Variants in MAP2 observed in about 807,000 individuals in gnomAD.
MAP2 encodes microtubule-associated protein 2.
Under a neutral mutation model 137.6 loss-of-function variants are expected in MAP2, and 14 were observed. The observed-to-expected ratio is 0.10, with a 90% CI of 0.07 to 0.16. The LOEUF (loss-of-function observed/expected upper bound fraction) is 0.16. Among genes scored for constraint, MAP2 ranks in the 10% least tolerant of loss-of-function variants. The pLI is 1.00. For synonymous variants in MAP2, 786 were observed against 782.3 expected (o/e 1.00, Z -0.08); for missense variants, 2,088 against 2,191.5 (o/e 0.95, Z 0.94).
chr2:209,516,294 T>G (rs1448268570), intron 2 of MAP2, among the ~76,000 whole-genome samples: 2 of 152,132 alleles, frequency 1.3e-5, no homozygotes, highest in Non-Finnish European at 2.9e-5. Context: ...AGAGTGGGCT[T>G]GATGTCATTT....
chr2:209,571,759 T>C (rs781238147), intron 2 of MAP2, among the ~76,000 whole-genome samples: 2 of 152,050 alleles, frequency 1.3e-5, no homozygotes, highest in Non-Finnish European at 1.5e-5. Context: ...AGTATAGTTA[T>C]TTCATGAGCT....
intron 2 of MAP2, among the ~76,000 whole-genome samples, chr2:209,558,301 G>T (rs1431469670): frequency 1.3e-5 from 2 of 152,074 alleles, no homozygotes; most frequent in Non-Finnish European, 2.9e-5. Context: ...CAATTCTCCT[G>T]CCTCAGCCTC....
chr2:209,450,996 G>A (rs1280675376), intron 1 of MAP2, among the ~76,000 whole-genome samples: 2 of 151,960 alleles, frequency 1.3e-5, no homozygotes, highest in African/African-American at 2.4e-5. Context: ...CAAGCCATTA[G>A]CAAGTTTGAG....
At chr2:209,495,285 G>T (rs894582627) in intron 1 of MAP2, among the ~76,000 whole-genome samples, 2 of 152,260 alleles carry the variant, frequency 1.3e-5, no homozygotes, top group Non-Finnish European at 2.9e-5. Context: ...GTTCCTGCCT[G>T]CCAGCTCTGA....
Position 209,582,664 on chromosome 2 carries a change from TA to T in MAP2, c.-107+2565del, listed in dbSNP as rs1467331896. Among the ~76,000 whole-genome samples the T allele has an allele frequency of 8.2e-4, 20 of 24,268 alleles. No homozygotes were observed. The East Asian group carries it at 0.035, about 43-fold the overall frequency. The allele number at this position is 24,268 out of a possible 152,430, so 15.9% of individuals were successfully genotyped here. On this transcript the variant is annotated intron_variant, in intron 3 of 15. Transcript: ENST00000682079. ...GATAGATAGATAGATAGATGATAGA[TA>T]GATAGATAGATAGATAGATAGATAG...
At chr2:209,618,984 C>T (rs2090355836) in intron 3 of MAP2, among the ~76,000 whole-genome samples, 1 of 152,036 alleles carries the variant, frequency 6.6e-6, no homozygotes, top group African/African-American at 2.4e-5. Context: ...CTTGGATAAA[C>T]CTGGAGGACA....
chr2:209,635,079 A>G (rs1335573023), intron 4 of MAP2, among the ~76,000 whole-genome samples: 1 of 152,162 alleles, frequency 6.6e-6, no homozygotes, highest in South Asian at 2.1e-4. Context: ...CCTGGGTGAC[A>G]CAGCAAGAGC....
chr2:209,680,726 A>AT (rs1559544136), intron 6 of MAP2, 24 bp from the exon 7 acceptor site: 1 of 1,601,576 alleles, frequency 6.2e-7, no homozygotes, highest in Admixed American at 1.7e-5. Context: ...ATTGCATCTC[A>AT]TTTTTCTATT....
chr2:209,608,545 T>C (rs369477779), intron 3 of MAP2, among the ~76,000 whole-genome samples: 1 of 152,154 alleles, frequency 6.6e-6, no homozygotes, highest in South Asian at 2.1e-4. Flanking sequence ...AATTGTATTG[T>C]TTTTACTGGC....
At chr2:209,710,424 A>G in intron 13 of MAP2, 170 bp downstream of exon 13, 2 of 622,074 alleles carry the variant, frequency 3.2e-6, no homozygotes, top group Non-Finnish European at 2.7e-6. Flanking sequence ...CTGAAATACA[A>G]CGAAAATCAC....
chr2:209,492,085 C>G (rs1469536093), intron 1 of MAP2, among the ~76,000 whole-genome samples: 1 of 152,104 alleles, frequency 6.6e-6, no homozygotes, highest in Non-Finnish European at 1.5e-5. Flanking sequence ...ACATCAAAAA[C>G]TTATCGACTA....
intron 4 of MAP2, among the ~76,000 whole-genome samples, chr2:209,635,767 G>A (rs1312970188): frequency 6.6e-6 from 1 of 152,120 alleles, no homozygotes; most frequent in Non-Finnish European, 1.5e-5. Flanking sequence ...GTAAGTGTGT[G>A]ATCACTGTTT....
chr2:209,622,407 G>C (rs1186258716), intron 3 of MAP2, among the ~76,000 whole-genome samples: 1 of 152,142 alleles, frequency 6.6e-6, no homozygotes, highest in African/African-American at 2.4e-5. Flanking sequence ...GCACTTTCTA[G>C]CCTTGTGATG....
At chr2:209,500,945 G>A (rs2060300679) in intron 1 of MAP2, among the ~76,000 whole-genome samples, 2 of 151,114 alleles carry the variant, frequency 1.3e-5, no homozygotes, top group South Asian at 2.1e-4. Context: ...GCTGAGGCGG[G>A]AGGATCATCT....
chr2:209,681,500 G>A (rs1011432851), intron 7 of MAP2, among the ~76,000 whole-genome samples: 1 of 152,080 alleles, frequency 6.6e-6, no homozygotes, highest in Non-Finnish European at 1.5e-5. Context: ...ACAGAAAGAT[G>A]CCTTTGAAGA....
At chr2:209,583,000 A>G (rs1264761734) in intron 3 of MAP2, among the ~76,000 whole-genome samples, 2 of 151,860 alleles carry the variant, frequency 1.3e-5, no homozygotes, top group Non-Finnish European at 2.9e-5. Flanking sequence ...ATTTTACCAC[A>G]TTTTTTTCTA....
At chr2:209,516,546 G>A (rs1049655817) in intron 2 of MAP2, among the ~76,000 whole-genome samples, 1 of 152,068 alleles carries the variant, frequency 6.6e-6, no homozygotes, top group African/African-American at 2.4e-5. Flanking sequence ...AAAGGGAAGG[G>A]TTAAGGAACT....
At chr2:209,704,676 A>G in intron 11 of MAP2, 1 of 1,464,042 alleles carries the variant, frequency 6.8e-7, no homozygotes, top group Non-Finnish European at 9.1e-7. Context: ...GGAGAAGGTT[A>G]TGTTATAGAA....
At chr2:209,664,538 G>A (rs911261474) in intron 5 of MAP2, among the ~76,000 whole-genome samples, 2 of 151,724 alleles carry the variant, frequency 1.3e-5, no homozygotes, top group Admixed American at 6.6e-5. Flanking sequence ...AACAGAGTGA[G>A]ACCCTGTCTC....
Sources: allele counts gnomAD v4.1 joint callset (sites outside exome capture counted in the v4.1 genomes callset), GRCh38; gene constraint gnomAD v4.1.1; transcripts MANE v1.5; gene names NCBI Gene and HGNC (gene_info 2026-07-23, HGNC 2026-07-21).